The following UGT2A1 variants were observed in gnomAD, a reference collection of about 807,000 sequenced individuals.
UGT2A1 encodes UDP-glucuronosyltransferase 2A1.
In UGT2A1, 61 loss-of-function variants were observed where a neutral mutation model predicts 45.4. The ratio of observed to expected loss-of-function variants is 1.34; its 90% CI spans 1.09 to 1.66. The LOEUF is 1.66. UGT2A1 is among the 40% of genes most tolerant of loss of function. UGT2A1 has a pLI of 0.00. For synonymous variants in UGT2A1, 229 were observed against 196.2 expected, an observed-to-expected ratio of 1.17 and a Z score of -1.40; for missense variants, 649 against 574.3, an observed-to-expected ratio of 1.13 and a Z score of -1.33.
Position 69,637,678 on chromosome 4 carries a change from A to G in UGT2A1, c.716-1856T>C, listed in dbSNP as rs115205016. 4.2e-3 allele frequency among the ~76,000 whole-genome samples: 643 copies of G among 152,208 alleles called. 5 individuals are homozygous for G. Among genetic ancestry groups the G allele is most frequent in the African/African-American group, 0.013 (541 of 41,532 alleles). ...TCTTCTTACTTTATTATTACATAGC[A>G]TATATCACAGGCTAAATTTATATAT... On this transcript the variant is annotated intron_variant, in intron 2 of 6. Coordinates refer to ENST00000286604, the MANE Select transcript of UGT2A1 (RefSeq NM_001252275.3).
chr4:69,652,321 T>G (rs185654552), intron 1 of UGT2A1, among the ~76,000 whole-genome samples: 1 of 150,704 alleles, frequency 6.6e-6, no homozygotes, highest in Admixed American at 6.6e-5. Context: ...TTTGCTCTTG[T>G]TGTCCAAGCT....
chr4:69,593,417 G>A (rs144635750), intron 6 of UGT2A1, among the ~76,000 whole-genome samples: 2 of 151,744 alleles, frequency 1.3e-5, no homozygotes, highest in East Asian at 1.9e-4. Flanking sequence ...ACTATAAGTA[G>A]CTAAAATTAA....
chr4:69,600,809 T>TAA (rs34446108), intron 3 of UGT2A1, among the ~76,000 whole-genome samples: 19,643 of 145,766 alleles, frequency 0.13, 1,536 homozygotes, highest in Non-Finnish European at 0.18. Context: ...GCTATACACT[T>TAA]AAAAAAAAAA....
chr4:69,642,259 A>C (rs1291889793), intron 2 of UGT2A1, among the ~76,000 whole-genome samples: 1 of 151,812 alleles, frequency 6.6e-6, no homozygotes, highest in Non-Finnish European at 1.5e-5. Flanking sequence ...CCAATGTCCC[A>C]ATGTCAATTA....
intron 6 of UGT2A1, among the ~76,000 whole-genome samples, chr4:69,594,214 T>A (rs1718770955): frequency 6.6e-6 from 1 of 152,098 alleles, no homozygotes; most frequent in African/African-American, 2.4e-5. Context: ...GACCTTGTGA[T>A]CTGCCACCCT....
intron 6 of UGT2A1, among the ~76,000 whole-genome samples, chr4:69,590,217 T>C (rs113369926): frequency 1.3e-5 from 2 of 152,308 alleles, no homozygotes; most frequent in African/African-American, 4.8e-5. Context: ...AAAAATACTC[T>C]GGTGATTTAA....
At chr4:69,630,224 T>A (rs975437457) in intron 3 of UGT2A1, among the ~76,000 whole-genome samples, 1 of 152,142 alleles carries the variant, frequency 6.6e-6, no homozygotes, top group Non-Finnish European at 1.5e-5. Context: ...AATAGCTCCA[T>A]CTGCAGTTGG....
chr4:69,598,944 A>C (rs191013599), intron 4 of UGT2A1, among the ~76,000 whole-genome samples: 1 of 152,276 alleles, frequency 6.6e-6, no homozygotes, highest in East Asian at 1.9e-4. Context: ...AGACTAGGGC[A>C]GTATCCTTCG....
At chr4:69,629,082 GCTT>G (rs1721246698) in intron 3 of UGT2A1, among the ~76,000 whole-genome samples, 1 of 151,864 alleles carries the variant, frequency 6.6e-6, no homozygotes, top group African/African-American at 2.4e-5. Flanking sequence ...ACAAGCCATA[GCTT>G]TTTTCAAACA....
chr4:69,639,743 G>A, intron 2 of UGT2A1: 2 of 1,119,992 alleles, frequency 1.8e-6, no homozygotes, highest in Non-Finnish European at 1.2e-6. Context: ...TCAGTCGTAG[G>A]TCAATTGATC....
At chr4:69,613,045 TA>T (rs1720162215) in intron 3 of UGT2A1, among the ~76,000 whole-genome samples, 1 of 126,136 alleles carries the variant, frequency 7.9e-6, no homozygotes, top group African/African-American at 3.2e-5. Flanking sequence ...AAAAAACAAA[TA>T]ACCTCACTAA....
chr4:69,608,528 AC>A (rs1311743146), intron 3 of UGT2A1, among the ~76,000 whole-genome samples: 6 of 152,030 alleles, frequency 3.9e-5, no homozygotes, highest in African/African-American at 9.7e-5. Flanking sequence ...ACTAACCTGC[AC>A]GTTGTGTACA....
rs71206000 is a variant in UGT2A1 at position 69,602,463 on chromosome 4, T to TTATCTATC, written c.848-3077_848-3070dup. 2.9e-3 allele frequency among the ~76,000 whole-genome samples: 293 copies of TTATCTATC among 100,918 alleles called. 39 individuals are homozygous for TTATCTATC. The highest frequency in any genetic ancestry group is 0.017 in the Middle Eastern group (3 of 174). 66.2% of individuals were successfully genotyped at this position (100,918 alleles called of 152,430 possible). The stretch of plus-strand genomic sequence containing the variant: ...TTTAGAATAACAAAGATTTAGGAGT[T>TTATCTATC]TATCTATCTATCTATCTATCTATCT... On this transcript the variant is annotated intron_variant, in intron 3 of 6. Transcript: ENST00000286604.
At chr4:69,618,959 C>A (rs968715338) in intron 3 of UGT2A1, among the ~76,000 whole-genome samples, 1 of 151,476 alleles carries the variant, frequency 6.6e-6, no homozygotes, top group Non-Finnish European at 1.5e-5. Context: ...GTTTAACATA[C>A]TTTAAATTAA....
At chr4:69,635,503 T>C (rs759209891) in intron 3 of UGT2A1, among the ~76,000 whole-genome samples, 188 bp downstream of exon 3, 3 of 152,282 alleles carry the variant, frequency 2.0e-5, no homozygotes, top group Non-Finnish European at 4.4e-5. Context: ...ATCTATTTGC[T>C]GTACAGCAGA....
At position 69,641,169 on chromosome 4, in the gene UGT2A1, C is replaced by A. The variant is rs148515122; in HGVS notation, c.716-5347G>T. 3.6e-3 allele frequency among the ~76,000 whole-genome samples: 545 copies of A among 151,716 alleles called. 2 individuals are homozygous for A. The highest frequency in any genetic ancestry group is 0.013 in the African/African-American group (518 of 41,438). On this transcript the variant is annotated intron_variant, in intron 2 of 6. Coordinates refer to ENST00000286604, the MANE Select transcript of UGT2A1 (RefSeq NM_001252275.3). The stretch of plus-strand genomic sequence containing the variant: ...ATACATATAGATATCCCTAAATTAC[C>A]CAGAGTAAGGGAAAAAATGATGATA...
chr4:69,590,375 C>G (rs1410812969), intron 6 of UGT2A1, among the ~76,000 whole-genome samples: 1 of 152,174 alleles, frequency 6.6e-6, no homozygotes, highest in Non-Finnish European at 1.5e-5. Context: ...GGGTGGATAT[C>G]TACATATTTA....
At chr4:69,629,409 ATACAGTGC>A in intron 3 of UGT2A1, among the ~76,000 whole-genome samples, 1 of 152,244 alleles carries the variant, frequency 6.6e-6, no homozygotes, top group East Asian at 1.9e-4. Context: ...ATCTTTTGGA[ATACAGTGC>A]CTAATAAGAG....
intron 3 of UGT2A1, among the ~76,000 whole-genome samples, chr4:69,634,688 C>T (rs138141630): frequency 6.6e-6 from 1 of 151,884 alleles, no homozygotes; most frequent in African/African-American, 2.4e-5. Flanking sequence ...TGAATAGATG[C>T]AGAAAAACAT....
Sources: allele counts gnomAD v4.1 joint callset (sites outside exome capture counted in the v4.1 genomes callset), GRCh38; gene constraint gnomAD v4.1.1; transcripts MANE v1.5; gene names NCBI Gene and HGNC (gene_info 2026-07-23, HGNC 2026-07-21).